Variants in ZSWIM8 observed in about 807,000 individuals in gnomAD.
ZSWIM8 encodes the protein zinc finger SWIM-type containing 8.
In ZSWIM8, 27 loss-of-function variants were observed where a neutral mutation model predicts 173.7. The ratio of observed to expected loss-of-function variants is 0.16; its 90% CI spans 0.11 to 0.21. The LOEUF is 0.21. Ranked by LOEUF, ZSWIM8 falls within the 10% of genes least tolerant of loss-of-function variation. ZSWIM8 has a pLI of 1.00. For missense variants in ZSWIM8, 1,627 were observed against 2,428.8 expected (o/e 0.67, Z 6.94); for synonymous variants, 958 against 962.0 (o/e 1.00, Z 0.08).
At chr10:73,787,821 C>T (rs1416316015) in intron 1 of ZSWIM8, among the ~76,000 whole-genome samples, 1 of 151,984 alleles carries the variant, frequency 6.6e-6, no homozygotes, top group Non-Finnish European at 1.5e-5. Flanking sequence ...CCATTGCACT[C>T]CAGCCTGGGT....
Position 73,800,787 on chromosome 10 carries a change from G to C in ZSWIM8, c.5122+28G>C. The C allele has an allele frequency of 1.5e-6, 2 of 1,322,140 alleles. No individual in the cohort carries two copies. The highest frequency in any genetic ancestry group is 2.1e-6 in the Non-Finnish European group (2 of 973,068). 81.9% of individuals were successfully genotyped at this position (1,322,140 alleles called of 1,614,324 possible). A position where few individuals can be genotyped will look rare whatever the true frequency, so the allele number is the denominator to read the frequency against. On this transcript the variant is annotated intron_variant, in intron 24 of 25. Coordinates refer to ENST00000604729, the MANE Select transcript of ZSWIM8 (RefSeq NM_001367799.1). The surrounding 1 kb of genome is among the most constrained non-coding windows in gnomAD (Gnocchi z 4.1). ...AACACCTCCCCTCCCTAGGACCATT[G>C]CCCCCCCCCCACCTGCTCTCCCCAC...
chr10:73,790,030 A>C lies in ZSWIM8; in HGVS notation c.813A>C (p.Gly271=), dbSNP rs1194815876. ...CAACAGCCATCAATACAGTGTGTGG[A>C]GCTCCGGGTGAGTGTGGTGAGAAAG... The part of the protein sequence containing the change: ...SQSTAINTVC[G]APDPTAGPSA... The change falls in exon 6 of 26, where the codon GGA becomes GGC. Residue 271 remains glycine, a synonymous_variant. Transcript: ENST00000604729. 1.9e-6 allele frequency: 3 copies of C among 1,612,372 alleles called. No homozygotes were observed. Among genetic ancestry groups the C allele is most frequent in the Non-Finnish European group, 2.5e-6 (3 of 1,179,216 alleles).
chr10:73,786,943 C>CTT (rs3036236), intron 1 of ZSWIM8, among the ~76,000 whole-genome samples: 13 of 131,796 alleles, frequency 9.9e-5, no homozygotes, highest in African/African-American at 2.5e-4. Flanking sequence ...ACATATATCA[C>CTT]TTTTTTTTTT....
Position 73,797,066 on chromosome 10 carries a change from G to A in ZSWIM8, c.3275-47G>A, listed in dbSNP as rs2132765777. ...GATGAATGGTGTGGACCTATGTTGA[G>A]GTCCCCTTTCCTGGGCTCATCCCAG... On this transcript the variant is annotated intron_variant, in intron 16 of 25. Transcript: ENST00000604729. The surrounding 1 kb of genome is among the most constrained non-coding windows in gnomAD (Gnocchi z 5.6). The A allele has an allele frequency of 2.5e-6, 4 of 1,612,640 alleles. No homozygotes were observed. The highest frequency in any genetic ancestry group is 3.4e-6 in the Non-Finnish European group (4 of 1,179,084).
Position 73,794,032 on chromosome 10 carries a change from C to G in ZSWIM8, c.2613C>G (p.Thr871=). The change falls in exon 12 of 26, where the codon ACC becomes ACG. Residue 871 remains threonine (T), a synonymous_variant. Coordinates refer to ENST00000604729, the MANE Select transcript of ZSWIM8 (RefSeq NM_001367799.1). ...ALELQRPPAS[T]KALEVKLAYQ... is the part of the protein sequence containing the mutation. ...AGCTACAGAGGCCTCCAGCTTCTAC[C>G]AAGGCCTTGGAGGTCAGAGGCTCCA... 1.2e-6 allele frequency: 2 copies of G among 1,612,934 alleles called. No individual in the cohort carries two copies.
In ZSWIM8 at chr10:73,800,878, C is replaced by CG. The variant is rs2083921182; in HGVS notation, c.5122+120dup. On this transcript the variant is annotated intron_variant, in intron 24 of 25. Transcript: ENST00000604729. This position sits in a 1 kb window ranked among gnomAD's most constrained non-coding sequence, Gnocchi z 4.1. ...TTGAGGCCTTGGTCGGGTATGTGTG[C>CG]GTGCGCGGGGGGCGGAGGGTTACCT... 1.7e-6 allele frequency: 2 copies of CG among 1,176,144 alleles called. No individual in the cohort carries two copies. The highest frequency in any genetic ancestry group is 5.1e-5 in the East Asian group (2 of 39,120). 72.9% of individuals were successfully genotyped at this position (1,176,144 alleles called of 1,614,324 possible).
chr10:73,801,616 C>T lies in ZSWIM8; in HGVS notation c.*97C>T. The T allele has an allele frequency of 6.5e-7, 1 of 1,544,380 alleles. No individual in the cohort carries two copies. The highest frequency in any genetic ancestry group is 8.7e-7 in the Non-Finnish European group (1 of 1,150,144). ...GAAACTTGGCTGGACAGATCATCCT[C>T]ACTCAGTTCCCTGGTAGCACAGACT... On this transcript the variant is annotated 3_prime_UTR_variant, in exon 26 of 26. Coordinates refer to ENST00000604729, the MANE Select transcript of ZSWIM8 (RefSeq NM_001367799.1). This position sits in a 1 kb window ranked among gnomAD's most constrained non-coding sequence, Gnocchi z 4.9.
chr10:73,794,161 C>T lies in ZSWIM8; in HGVS notation c.2640C>T (p.Tyr880=). 6.2e-7 allele frequency: 1 copy of T among 1,613,998 alleles called. No homozygotes were observed. Among genetic ancestry groups the T allele is most frequent in the Non-Finnish European group, 8.5e-7 (1 of 1,179,884 alleles). ...TGTGCCCTCAGGTGAAGCTGGCATA[C>T]CAGGAGTCTGAGGTGGCTGCCCTGC... is the stretch of plus-strand genomic sequence containing the variant. ...STKALEVKLA[Y]QESEVAALLK... is the part of the protein sequence containing the mutation. The change falls in exon 13 of 26, where the codon TAC becomes TAT. Residue 880 remains tyrosine (Y), a synonymous_variant. Transcript: ENST00000604729.
In ZSWIM8 at chr10:73,800,297, G is replaced by T; in HGVS notation, c.4827G>T (p.Leu1609Phe). 6.2e-7 allele frequency: 1 copy of T among 1,613,736 alleles called. No individual in the cohort carries two copies. Among genetic ancestry groups the T allele is most frequent in the Non-Finnish European group, 8.5e-7 (1 of 1,179,748 alleles). The change falls in exon 23 of 26, where the codon TTG (leucine) becomes TTT (phenylalanine). Residue 1609 changes from leucine to phenylalanine, a missense_variant and splice_region_variant. By Grantham distance (22) the Leu-to-Phe change is conservative. Transcript: ENST00000604729. This position sits in a 1 kb window ranked among gnomAD's most constrained non-coding sequence, Gnocchi z 4.1. ...PGLPLPTSVA[L>F]SSVHPASTFP... is the part of the protein sequence containing the mutation. The stretch of plus-strand genomic sequence containing the variant: ...TCACATGGCTCTCACCCCACTTAGT[G>T]AGCAGTGTCCATCCAGCATCCACGT...
At chr10:73,799,825 A>C (rs796811576) in intron 21 of ZSWIM8, 186 bp from the exon 22 acceptor site, 84 of 653,856 alleles carry the variant, frequency 1.3e-4, no homozygotes, top group African/African-American at 1.0e-3. Flanking sequence ...TGAGATGGGA[A>C]TCACTTGAAC....
rs1204260482 is a variant in ZSWIM8 at position 73,795,804 on chromosome 10, CA to C, written c.3033+147del. ...GAAACCCCGTCTCTACCAAAAAATA[CA>C]AAAAATTAGCAGCTGGGTGTGGTGG... On this transcript the variant is annotated intron_variant, in intron 15 of 25. Coordinates refer to ENST00000604729, the MANE Select transcript of ZSWIM8 (RefSeq NM_001367799.1). 7.4e-6 allele frequency: 7 copies of C among 944,366 alleles called. No individual in the cohort carries two copies. The Admixed American group carries it at 1.5e-4, about 20-fold the overall frequency. The allele number at this position is 944,366 out of a possible 1,614,324, so 58.5% of individuals were successfully genotyped here. A position where few individuals can be genotyped will look rare whatever the true frequency, so the allele number is the denominator to read the frequency against.
intron 20 of ZSWIM8, 29 bp downstream of exon 20, chr10:73,798,482 T>G: frequency 4.4e-6 from 7 of 1,595,050 alleles, no homozygotes; most frequent in Non-Finnish European, 6.0e-6. Context: ...TGGGAACCTC[T>G]TCTGGGGCAT....
Position 73,797,875 on chromosome 10 carries a change from G to A in ZSWIM8, c.3757G>A (p.Val1253Met), listed in dbSNP as rs1334619875. ...CTTCTACTTCGAGCTGGCGAAGACA[G>A]TGCTGATCAAGGCAGGGGGCAACAG... ...AHFYFELAKT[V>M]LIKAGGNSST... Residue 1253 changes from valine (V) to methionine (M), a missense_variant, in exon 19 of 26, where the codon GTG becomes ATG. By Grantham distance (21) the Val-to-Met change is conservative. Transcript: ENST00000604729. The surrounding 1 kb of genome is among the most constrained non-coding windows in gnomAD (Gnocchi z 5.6). 1 of 1,613,894 alleles carries A rather than the reference G, an allele frequency of 6.2e-7. No homozygotes were observed. Among genetic ancestry groups the A allele is most frequent in the Non-Finnish European group, 8.5e-7 (1 of 1,179,886 alleles).
intron 21 of ZSWIM8, 107 bp downstream of exon 21, chr10:73,799,597 G>A (rs1183602098): frequency 6.8e-7 from 1 of 1,468,126 alleles, no homozygotes; most frequent in Non-Finnish European, 9.3e-7. Flanking sequence ...GGAGAGTCCT[G>A]GTGAGGTGGT....
chr10:73,793,955 G>C lies in ZSWIM8; in HGVS notation c.2536G>C (p.Glu846Gln). Residue 846 changes from glutamate to glutamine, a missense_variant, in exon 12 of 26, where the codon GAG (glutamate) becomes CAG (glutamine). By Grantham distance (29) the Glu-to-Gln change is conservative (BLOSUM62 2). Transcript: ENST00000604729. ...KAAFLLTVLS[E>Q]RPEHHNLAFR... is the part of the protein sequence containing the mutation. Reference sequence around the variant, plus strand: ...GGCCTTCCTGTTGACAGTGCTAAGTGAGCGTCCAGAGCACCACAACCTGGC... The same window carrying C: ...GGCCTTCCTGTTGACAGTGCTAAGTCAGCGTCCAGAGCACCACAACCTGGC... The C allele has an allele frequency of 6.2e-7, 1 of 1,613,400 alleles. No individual in the cohort carries two copies. Among genetic ancestry groups the C allele is most frequent in the Non-Finnish European group, 8.5e-7 (1 of 1,179,624 alleles).
chr10:73,799,541 T>G (rs764168700), intron 21 of ZSWIM8, 51 bp downstream of exon 21: 1 of 1,570,950 alleles, frequency 6.4e-7, no homozygotes, highest in Non-Finnish European at 8.6e-7. Context: ...TACTGGGAAT[T>G]CATAGGGGGT....
Position 73,790,290 on chromosome 10 carries a change from C to T in ZSWIM8, c.939C>T (p.Phe313=). The part of the protein sequence containing the change: ...HKFCGPSPVV[F]SDVNSMYLSS... The stretch of plus-strand genomic sequence containing the variant: ...TCTGTGGCCCCTCCCCTGTGGTCTT[C>T]AGGTAAATCGGATCTCTGCATACCT... The change falls in exon 7 of 26, where the codon TTC becomes TTT. Residue 313 remains phenylalanine, a splice_region_variant and synonymous_variant. Transcript: ENST00000604729. 1.2e-6 allele frequency: 2 copies of T among 1,603,694 alleles called. No individual in the cohort carries two copies. Among genetic ancestry groups the T allele is most frequent in the East Asian group, 2.2e-5 (1 of 44,858 alleles).
At position 73,801,563 on chromosome 10, in the gene ZSWIM8, C is replaced by T; in HGVS notation, c.*44C>T. The T allele has an allele frequency of 6.2e-7, 1 of 1,601,536 alleles. No homozygotes were observed. The highest frequency in any genetic ancestry group is 1.1e-5 in the South Asian group (1 of 89,900). ...CCTATACAGGGACCCAGGCCTGTGG[C>T]TATGGGGGCCCCTCACACAGGGGGA... On this transcript the variant is annotated 3_prime_UTR_variant, in exon 26 of 26. Transcript: ENST00000604729. The surrounding 1 kb of genome is among the most constrained non-coding windows in gnomAD (Gnocchi z 4.9).
intron 21 of ZSWIM8, 92 bp from the exon 22 acceptor site, chr10:73,799,919 A>C: frequency 7.2e-7 from 1 of 1,385,718 alleles, no homozygotes; most frequent in Non-Finnish European, 9.9e-7. Flanking sequence ...TCTCAAAAAA[A>C]ACATGTCAGG....
Sources: allele counts gnomAD v4.1 joint callset (sites outside exome capture counted in the v4.1 genomes callset), GRCh38; gene constraint gnomAD v4.1.1; non-coding constraint Gnocchi (gnomAD v3.1); transcripts MANE v1.5; gene names NCBI Gene and HGNC (gene_info 2026-07-23, HGNC 2026-07-21).